The following KIAA0319 variants were observed in gnomAD, a reference collection of about 807,000 sequenced individuals.
The protein encoded by KIAA0319 is KIAA0319.
A neutral mutation model predicts 108.4 loss-of-function variants in KIAA0319; 83 were observed. The observed-to-expected ratio is 0.77, with a 90% CI of 0.64 to 0.92. The LOEUF (loss-of-function observed/expected upper bound fraction) is 0.92, where lower values mean the gene tolerates loss of function less well. Ranked by LOEUF, KIAA0319 falls within the 40% of genes least tolerant of loss-of-function variation. The pLI, the probability that KIAA0319 is intolerant of heterozygous loss-of-function variation, is 0.00. For synonymous variants in KIAA0319, 484 were observed against 510.4 expected (o/e 0.95, Z 0.70); for missense variants, 1,195 against 1,322.4 (o/e 0.90, Z 1.49).
chr6:24,599,480 G>A lies in KIAA0319; in HGVS notation c.55+1569C>T, dbSNP rs1177144862. On this transcript the variant is annotated intron_variant, in intron 2 of 20. Transcript: ENST00000378214. The surrounding 1 kb of genome is among the most constrained non-coding windows in gnomAD (Gnocchi z 4.1). ...CATGGCAGCTGCATGAGTACCAGGA[G>A]CTGATGATCATCAAGCCAACCCTGG... 1.8e-6 allele frequency: 1 copy of A among 561,190 alleles called. No individual in the cohort carries two copies. The highest frequency in any genetic ancestry group is 3.4e-6 in the Non-Finnish European group (1 of 292,066). The allele number at this position is 561,190 out of a possible 1,614,324, so 34.8% of individuals were successfully genotyped here.
Position 24,569,972 on chromosome 6 carries a change from C to T in KIAA0319, c.1922G>A (p.Ser641Asn). The change falls in exon 12 of 21, where the codon AGT becomes AAT. Residue 641 changes from serine (S) to asparagine (N), a missense_variant. Ser to Asn is a conservative substitution (Grantham distance 46, BLOSUM62 1). Transcript: ENST00000378214. ...PDKELIFPVE[S>N]ATLDGSSSSD... is the part of the protein sequence containing the mutation. Reference sequence around the variant, plus strand: ...GCTGCTGCTCCCATCCAGGGTAGCACTTTCCACTGGGAAGATCAGCTCTTT... The same window carrying T: ...GCTGCTGCTCCCATCCAGGGTAGCATTTTCCACTGGGAAGATCAGCTCTTT... The T allele has an allele frequency of 6.2e-7, 1 of 1,614,068 alleles. No individual in the cohort carries two copies.
intron 1 of KIAA0319, among the ~76,000 whole-genome samples, chr6:24,615,826 ACCT>A (rs767958322): frequency 6.6e-6 from 1 of 152,126 alleles, no homozygotes; most frequent in Non-Finnish European, 1.5e-5. Flanking sequence ...AGACTTAGTC[ACCT>A]CCTACCATGC....
In KIAA0319 at chr6:24,582,252, A is replaced by C. The variant is rs751438584; in HGVS notation, c.1188T>G (p.Ser396=). 1.9e-6 allele frequency: 3 copies of C among 1,568,368 alleles called. No homozygotes were observed. Among genetic ancestry groups the C allele is most frequent in the Non-Finnish European group, 2.6e-6 (3 of 1,138,558 alleles). ...KQGHKQTLNL[S]QLSVGLYVFK... ...CAACCAGTCTCCAGTTACTTACTTG[A>C]GAGAGGTTAAGAGTTTGCTTGTGTC... Residue 396 remains serine (S), a synonymous_variant, in exon 6 of 21, where the codon TCT becomes TCG. Transcript: ENST00000378214.
At chr6:24,622,035 C>T (rs532907545) in intron 1 of KIAA0319, among the ~76,000 whole-genome samples, 2 of 152,256 alleles carry the variant, frequency 1.3e-5, no homozygotes, top group African/African-American at 2.4e-5. Context: ...ACAGAGTCTG[C>T]GAATGCACAG....
In KIAA0319 at chr6:24,608,706, G is replaced by A. The variant is rs528823440; in HGVS notation, c.-105-7498C>T. Among the ~76,000 whole-genome samples, 443 of 151,528 alleles carry A rather than the reference G, an allele frequency of 2.9e-3. 3 individuals are homozygous for A. The highest frequency in any genetic ancestry group is 9.7e-3 in the African/African-American group (402 of 41,372). ...AGCACTTTGGGAGGCCGAGGCGGGC[G>A]GATCACGAGGTCAGGAGATCGAGAC... On this transcript the variant is annotated intron_variant, in intron 1 of 20. Transcript: ENST00000378214.
intron 1 of KIAA0319, 106 bp from the exon 2 acceptor site, chr6:24,601,314 G>A: frequency 7.3e-7 from 1 of 1,370,100 alleles, no homozygotes; most frequent in Non-Finnish European, 9.4e-7. Context: ...AGCCTGTCCT[G>A]GTCACATCAC....
chr6:24,579,776 C>T, intron 8 of KIAA0319, 82 bp downstream of exon 8: 3 of 1,116,802 alleles, frequency 2.7e-6, no homozygotes, highest in East Asian at 2.6e-5. Context: ...ATAAGTCCTC[C>T]TAGCTTTGAT....
intron 1 of KIAA0319, among the ~76,000 whole-genome samples, chr6:24,617,039 T>C (rs1399264035): frequency 2.0e-5 from 3 of 152,152 alleles, no homozygotes; most frequent in African/African-American, 7.2e-5. Flanking sequence ...AGTAAAGATA[T>C]TTAAGCAAAT....
intron 19 of KIAA0319, among the ~76,000 whole-genome samples, chr6:24,553,268 G>A (rs2127418672): frequency 9.2e-6 from 1 of 109,064 alleles, no homozygotes; most frequent in Admixed American, 8.7e-5. Flanking sequence ...AGGTACTTGT[G>A]AGATAGATAT....
intron 1 of KIAA0319, among the ~76,000 whole-genome samples, chr6:24,628,358 G>C (rs1218876122): frequency 6.6e-6 from 1 of 152,018 alleles, no homozygotes; most frequent in African/African-American, 2.4e-5. Flanking sequence ...TCTTTAAAGT[G>C]TTTTTATTTT....
downstream of KIAA0319, among the ~76,000 whole-genome samples, chr6:24,543,948 A>T (rs1404697805): frequency 6.6e-6 from 1 of 152,216 alleles, no homozygotes; most frequent in East Asian, 1.9e-4. Context: ...ACAGGGAAGG[A>T]GCAGGGGATG....
chr6:24,596,648 G>C (rs761833251), intron 2 of KIAA0319, 30 bp from the exon 3 acceptor site: 1 of 1,561,308 alleles, frequency 6.4e-7, no homozygotes, highest in Non-Finnish European at 8.7e-7. Context: ...TAATGAGGGA[G>C]AGAGGCATAT....
chr6:24,545,255 T>C lies in KIAA0319; in HGVS notation c.*1910A>G, dbSNP rs807529. 132,416 of 152,224 alleles carry C rather than the reference T, an allele frequency of 0.87. 58,419 individuals are homozygous for C. The highest frequency in any genetic ancestry group is 0.93 in the Non-Finnish European group (63,197 of 68,032). The allele number at this position is 152,224 out of a possible 1,614,324, so 9.4% of individuals were successfully genotyped here. On this transcript the variant is annotated 3_prime_UTR_variant, in exon 21 of 21. Coordinates refer to ENST00000378214, the MANE Select transcript of KIAA0319 (RefSeq NM_014809.4). The stretch of plus-strand genomic sequence containing the variant: ...CTTGGCCATGACCTCTGGGAAGTTA[T>C]TTAACCTCTCTGGGCCTTCAGAGGG...
At chr6:24,577,232 C>T (rs907032222) in intron 9 of KIAA0319, among the ~76,000 whole-genome samples, 1 of 152,170 alleles carries the variant, frequency 6.6e-6, no homozygotes, top group Non-Finnish European at 1.5e-5. Context: ...ACTCTCTTAA[C>T]GGAGACTAAA....
chr6:24,601,306 C>T (rs1295231650), intron 1 of KIAA0319, 98 bp from the exon 2 acceptor site: 2 of 1,388,492 alleles, frequency 1.4e-6, no homozygotes, highest in Non-Finnish European at 1.9e-6. Context: ...CAGTGGGAAG[C>T]CTGTCCTGGT....
At chr6:24,571,516 G>C (rs1180109496) in intron 11 of KIAA0319, among the ~76,000 whole-genome samples, 1 of 152,112 alleles carries the variant, frequency 6.6e-6, no homozygotes, top group Non-Finnish European at 1.5e-5. Context: ...GAGTACTTGG[G>C]TGACCATACA....
intron 11 of KIAA0319, among the ~76,000 whole-genome samples, chr6:24,570,352 A>C (rs971248212): frequency 6.6e-6 from 1 of 151,996 alleles, no homozygotes; most frequent in Non-Finnish European, 1.5e-5. Context: ...ACTTTGGGAG[A>C]ACGAGGCGGG....
rs1331648526 is a variant in KIAA0319 at position 24,545,661 on chromosome 6, C to T, written c.*1504G>A. On this transcript the variant is annotated 3_prime_UTR_variant, in exon 21 of 21. Coordinates refer to ENST00000378214, the MANE Select transcript of KIAA0319 (RefSeq NM_014809.4). ...CACACTTTTTAGTTCTGCCTTTCCC[C>T]AGTAAATTACAATAAGTAAAAATAA... The T allele has an allele frequency of 6.6e-6, 1 of 152,142 alleles. No individual in the cohort carries two copies. Among genetic ancestry groups the T allele is most frequent in the East Asian group, 1.9e-4 (1 of 5,202 alleles). 9.4% of individuals were successfully genotyped at this position (152,142 alleles called of 1,614,324 possible). A position where few individuals can be genotyped will look rare whatever the true frequency, so the allele number is the denominator to read the frequency against.
chr6:24,569,501 G>C (rs570825837), intron 12 of KIAA0319, among the ~76,000 whole-genome samples: 4 of 152,180 alleles, frequency 2.6e-5, no homozygotes, highest in Non-Finnish European at 5.9e-5. Flanking sequence ...CTTACAAACT[G>C]ATACAGGGTT....
Sources: gnomAD v4.1 joint callset for allele counts (sites outside exome capture counted in the v4.1 genomes callset) on GRCh38, gnomAD v4.1.1 for gene constraint, Gnocchi (gnomAD v3.1) non-coding constraint, MANE v1.5 for transcripts, NCBI Gene and HGNC (gene_info 2026-07-23, HGNC 2026-07-21) for gene names.